TBC1D22A: variants seen among roughly 807,000 people sequenced by gnomAD.
TBC1D22A encodes the protein putative GTPase activator.
TBC1D22A carries 38 observed loss-of-function variants against 60.2 expected under a neutral mutation model. The observed-to-expected ratio is 0.63, with a 90% CI of 0.49 to 0.83. The LOEUF (loss-of-function observed/expected upper bound fraction) is 0.83. Among genes scored for constraint, TBC1D22A ranks in the 40% least tolerant of loss-of-function variants. The pLI is 0.00. For synonymous variants in TBC1D22A, 302 were observed against 281.7 expected, an observed-to-expected ratio of 1.07 and a Z score of -0.72; for missense variants, 628 against 701.0, an observed-to-expected ratio of 0.90 and a Z score of 1.18.
chr22:46,893,704 A>G (rs960608194), intron 6 of TBC1D22A, among the ~76,000 whole-genome samples: 1 of 152,212 alleles, frequency 6.6e-6, no homozygotes, highest in African/African-American at 2.4e-5. Flanking sequence ...GGGCTCCTGC[A>G]TGGGGCCAGC....
chr22:46,836,230 A>T (rs987633354), intron 4 of TBC1D22A, among the ~76,000 whole-genome samples: 23 of 152,258 alleles, frequency 1.5e-4, no homozygotes, highest in African/African-American at 5.1e-4. Flanking sequence ...TATAAAAGTT[A>T]AACACCAAAA....
intron 11 of TBC1D22A, among the ~76,000 whole-genome samples, chr22:47,070,206 C>T (rs563522565): frequency 1.3e-5 from 2 of 149,560 alleles, no homozygotes; most frequent in East Asian, 4.1e-4. Flanking sequence ...GACGCTGTCC[C>T]CTGTTGTTTG....
At chr22:47,038,794 G>A (rs1472432272) in intron 11 of TBC1D22A, among the ~76,000 whole-genome samples, 2 of 152,160 alleles carry the variant, frequency 1.3e-5, no homozygotes, top group East Asian at 1.9e-4. Flanking sequence ...TCGTGTCCGC[G>A]ACTTGGGTTT....
intron 7 of TBC1D22A, among the ~76,000 whole-genome samples, chr22:46,896,064 C>G (rs117371935): frequency 6.5e-4 from 99 of 152,300 alleles, no homozygotes; most frequent in Non-Finnish European, 1.1e-3. Context: ...TTTTGTTGCT[C>G]TGGTGGATAT....
chr22:46,833,854 AG>A (rs949257464), intron 4 of TBC1D22A, among the ~76,000 whole-genome samples: 25 of 152,192 alleles, frequency 1.6e-4, no homozygotes, highest in African/African-American at 5.8e-4. Context: ...TGATAAACAA[AG>A]GCGTTTTTGT....
At chr22:47,159,916 CCACATACATGTGT>C (rs1376044036) in intron 12 of TBC1D22A, among the ~76,000 whole-genome samples, 2 of 103,904 alleles carry the variant, frequency 1.9e-5, no homozygotes, top group African/African-American at 1.0e-4. Flanking sequence ...CACACATGTG[CCACATACATGTGT>C]CACATGCACA....
At chr22:46,907,254 C>T (rs2069555059) in intron 7 of TBC1D22A, among the ~76,000 whole-genome samples, 1 of 152,232 alleles carries the variant, frequency 6.6e-6, no homozygotes, top group Non-Finnish European at 1.5e-5. Context: ...CACCTCTCTG[C>T]AGTCTCCCTT....
rs528299680 is a variant in TBC1D22A, at chr22:47,065,804, C to T, written c.1329+28606C>T. Among the ~76,000 whole-genome samples the T allele has an allele frequency of 3.3e-5, 5 of 152,170 alleles. No individual in the cohort carries two copies. The South Asian group carries it at 6.2e-4, about 19-fold the overall frequency. ...TGAGGAGATGCGGGTTCCTTGGCCACGTCGTGAATCCTGCTCTGAGTTCCT... is the reference window on the plus strand; with the variant it reads ...TGAGGAGATGCGGGTTCCTTGGCCATGTCGTGAATCCTGCTCTGAGTTCCT... On this transcript the variant is annotated intron_variant, in intron 11 of 12. Transcript: ENST00000337137.
rs924379827 is a variant in TBC1D22A, at chr22:46,777,950, G to T, written c.63-14570G>T. Among the ~76,000 whole-genome samples the T allele has an allele frequency of 6.6e-6, 1 of 152,216 alleles. No homozygotes were observed. The highest frequency in any genetic ancestry group is 2.4e-5 in the African/African-American group (1 of 41,452). ...CCTAGGCTGTACGGCACCGTCTGTT[G>T]CTCTGAGGCTATGTGCCTGTACAGC... On this transcript the variant is annotated intron_variant, in intron 1 of 12. Transcript: ENST00000337137. The surrounding 1 kb of genome is among the most constrained non-coding windows in gnomAD (Gnocchi z 4.5).
chr22:47,080,319 C>T (rs541290829), intron 11 of TBC1D22A, among the ~76,000 whole-genome samples: 2 of 152,212 alleles, frequency 1.3e-5, no homozygotes, highest in East Asian at 3.9e-4. Context: ...TGGCAGATAC[C>T]CAACAACATT....
intron 12 of TBC1D22A, among the ~76,000 whole-genome samples, chr22:47,117,377 A>C (rs1215652777): frequency 1.8e-5 from 1 of 56,396 alleles, no homozygotes; most frequent in Non-Finnish European, 3.5e-5. Context: ...ACACCGTGGC[A>C]TCGAGCAGGG....
chr22:46,943,574 C>T (rs73890503), intron 8 of TBC1D22A, among the ~76,000 whole-genome samples: 12,966 of 152,236 alleles, frequency 0.085, 1,014 homozygotes, highest in African/African-American at 0.21. Flanking sequence ...TCCGCCTGGT[C>T]CATCTGTCTG....
intron 12 of TBC1D22A, among the ~76,000 whole-genome samples, chr22:47,158,949 A>G (rs1207697757): frequency 6.6e-6 from 1 of 151,640 alleles, no homozygotes; most frequent in Non-Finnish European, 1.5e-5. Flanking sequence ...ACACACACAC[A>G]CACCATGTAT....
chr22:47,111,276 G>A (rs990100173), intron 11 of TBC1D22A, among the ~76,000 whole-genome samples: 2 of 152,256 alleles, frequency 1.3e-5, no homozygotes, highest in Non-Finnish European at 2.9e-5. Context: ...CTGAAGCTTG[G>A]TCTGCTGTTC....
intron 10 of TBC1D22A, among the ~76,000 whole-genome samples, chr22:47,013,629 A>T (rs995655591): frequency 5.3e-5 from 8 of 152,128 alleles, no homozygotes; most frequent in African/African-American, 1.9e-4. Context: ...GTGGAAACGC[A>T]TTGCCTTTCC....
At chr22:46,994,094 C>T (rs1187599525) in intron 9 of TBC1D22A, among the ~76,000 whole-genome samples, 1 of 152,198 alleles carries the variant, frequency 6.6e-6, no homozygotes, top group Non-Finnish European at 1.5e-5. Context: ...CAGACCTTTT[C>T]GTTATTGGCT....
At chr22:46,972,824 C>G (rs73482677) in intron 8 of TBC1D22A, among the ~76,000 whole-genome samples, 1,676 of 152,282 alleles carry the variant, frequency 0.011, 28 homozygotes, top group African/African-American at 0.039. Flanking sequence ...AAGCAATACC[C>G]ATGGAGTGAC....
chr22:46,769,712 A>C (rs1044087222), intron 1 of TBC1D22A, among the ~76,000 whole-genome samples: 4 of 152,158 alleles, frequency 2.6e-5, no homozygotes, highest in Non-Finnish European at 5.9e-5. Flanking sequence ...CTGTGGTCCT[A>C]AGAGCCATGA....
In TBC1D22A at chr22:46,793,532, A is replaced by G; in HGVS notation, c.151A>G (p.Thr51Ala). The G allele has an allele frequency of 6.2e-7, 1 of 1,614,216 alleles. No homozygotes were observed. The highest frequency in any genetic ancestry group is 8.5e-7 in the Non-Finnish European group (1 of 1,180,048). ...CAGGTCCACGGCCAAGATGCCGACC[A>G]CACCAGTGAAGGCCAAGAGGGTCAG... Reference protein sequence around the residue: ...LLRSTAKMPTTPVKAKRVSTF... With the variant: ...LLRSTAKMPTAPVKAKRVSTF... Residue 51 changes from threonine (T) to alanine (A), a missense_variant, in exon 3 of 13, where the codon ACA becomes GCA. Physicochemically the swap from Thr to Ala is moderately conservative, Grantham distance 58 (BLOSUM62 0). Coordinates refer to ENST00000337137, the MANE Select transcript of TBC1D22A (RefSeq NM_014346.5).
Sources: allele counts gnomAD v4.1 joint callset (sites outside exome capture counted in the v4.1 genomes callset), GRCh38; gene constraint gnomAD v4.1.1; non-coding constraint Gnocchi (gnomAD v3.1); transcripts MANE v1.5; gene names NCBI Gene and HGNC (gene_info 2026-07-23, HGNC 2026-07-21).